Variants in PALLD observed in about 807,000 individuals in gnomAD.
PALLD encodes palladin, cytoskeletal associated protein.
A neutral mutation model predicts 123.5 loss-of-function variants in PALLD; 61 were observed. That is an observed-to-expected ratio of 0.49 (90% confidence interval 0.40 to 0.61). The LOEUF (loss-of-function observed/expected upper bound fraction) is 0.61. Ranked by LOEUF, PALLD falls within the 20% of genes least tolerant of loss-of-function variation. The pLI, the probability that PALLD is intolerant of heterozygous loss-of-function variation, is 0.00. For synonymous variants in PALLD, 465 were observed against 496.4 expected (o/e 0.94, Z 0.84); for missense variants, 1,273 against 1,377.0 (o/e 0.92, Z 1.20).
intron 2 of PALLD, among the ~76,000 whole-genome samples, chr4:168,591,506 A>G (rs772435308): frequency 4.6e-5 from 7 of 152,198 alleles, no homozygotes; most frequent in Admixed American, 1.3e-4. Context: ...TATAACTCAC[A>G]CTTAGTAAAA....
intron 2 of PALLD, among the ~76,000 whole-genome samples, chr4:168,563,982 A>G (rs1335204204): frequency 6.6e-6 from 1 of 152,210 alleles, no homozygotes; most frequent in African/African-American, 2.4e-5. Context: ...CCTCGTACCC[A>G]TTAAGTAGTC....
intron 2 of PALLD, among the ~76,000 whole-genome samples, chr4:168,556,674 A>G (rs1767339784): frequency 6.6e-6 from 1 of 152,178 alleles, no homozygotes. Context: ...GCTTGAGAGG[A>G]ACATCATTGT....
In PALLD at chr4:168,512,005, G is replaced by C. The variant is rs914028854; in HGVS notation, c.501G>C (p.Gln167His). 2 of 1,614,210 alleles carry C rather than the reference G, an allele frequency of 1.2e-6. No individual in the cohort carries two copies. Among genetic ancestry groups the C allele is most frequent in the Non-Finnish European group, 1.7e-6 (2 of 1,180,042 alleles). The change falls in exon 2 of 22, where the codon CAG becomes CAC. Residue 167 changes from glutamine to histidine, a missense_variant. This residue lies in a region of PALLD where 944 missense variants were observed against 954.5 expected (regional missense o/e 0.99). Transcript: ENST00000505667. ...PHQRKGGPQS[Q>H]LCDKAANLIE... ...AAAGAAAGGGTGGCCCCCAGAGCCA[G>C]CTGTGTGACAAGGCAGCTAATTTAA...
intron 2 of PALLD, among the ~76,000 whole-genome samples, chr4:168,521,585 C>T (rs1350572729): frequency 6.6e-6 from 1 of 151,938 alleles, no homozygotes; most frequent in East Asian, 1.9e-4. Context: ...GAATAAACTC[C>T]CCGCACTCTA....
At chr4:168,847,942 A>G (rs981546491) in intron 10 of PALLD, among the ~76,000 whole-genome samples, 19 of 152,222 alleles carry the variant, frequency 1.2e-4, no homozygotes, top group African/African-American at 4.6e-4. Context: ...TGTAGAACTA[A>G]TTCTGACACT....
intron 3 of PALLD, among the ~76,000 whole-genome samples, chr4:168,671,969 A>G (rs1780327221): frequency 6.6e-6 from 1 of 152,254 alleles, no homozygotes; most frequent in Non-Finnish European, 1.5e-5. Context: ...AAGTTTTAGA[A>G]TGATACAAAA....
chr4:168,688,409 C>T (rs1000290913), intron 6 of PALLD, among the ~76,000 whole-genome samples: 12 of 152,204 alleles, frequency 7.9e-5, no homozygotes, highest in East Asian at 3.9e-4. Context: ...GTAGCATGGA[C>T]GTACATGTGA....
intron 2 of PALLD, among the ~76,000 whole-genome samples, chr4:168,645,477 C>A (rs965852539): frequency 2.0e-5 from 3 of 152,168 alleles, no homozygotes; most frequent in Admixed American, 1.3e-4. Context: ...TGGTTAAACT[C>A]TTTGAATCCC....
At chr4:168,508,263 T>C (rs1762200347) in intron 1 of PALLD, among the ~76,000 whole-genome samples, 1 of 152,196 alleles carries the variant, frequency 6.6e-6, no homozygotes, top group African/African-American at 2.4e-5. Flanking sequence ...TTATGTATAA[T>C]TATTATTTGT....
intron 2 of PALLD, among the ~76,000 whole-genome samples, chr4:168,561,093 A>G (rs1419593977): frequency 6.6e-6 from 1 of 152,076 alleles, no homozygotes; most frequent in Non-Finnish European, 1.5e-5. Flanking sequence ...GAGCAGCCCT[A>G]TATCAACCCA....
At chr4:168,600,111 AT>A (rs1234824862) in intron 2 of PALLD, among the ~76,000 whole-genome samples, 1 of 152,120 alleles carries the variant, frequency 6.6e-6, no homozygotes, top group Non-Finnish European at 1.5e-5. Context: ...GCACACATAT[AT>A]ATACATACAT....
At chr4:168,577,620 G>C (rs1268397781) in intron 2 of PALLD, among the ~76,000 whole-genome samples, 1 of 152,080 alleles carries the variant, frequency 6.6e-6, no homozygotes, top group Non-Finnish European at 1.5e-5. Flanking sequence ...TGGGGCAGGA[G>C]TCAAGAGTAG....
chr4:168,659,026 A>G (rs1014455231), intron 2 of PALLD, among the ~76,000 whole-genome samples: 10 of 152,258 alleles, frequency 6.6e-5, no homozygotes, highest in Non-Finnish European at 1.5e-5. Flanking sequence ...GAATAAACAT[A>G]GTGTGTCATG....
At chr4:168,631,773 C>T in intron 2 of PALLD, 3 of 985,484 alleles carry the variant, frequency 3.0e-6, no homozygotes, top group Non-Finnish European at 2.4e-6. Context: ...TAATTTTCTC[C>T]GTTGCATTCT....
intron 10 of PALLD, among the ~76,000 whole-genome samples, chr4:168,722,368 G>A (rs568282453): frequency 1.3e-5 from 2 of 152,284 alleles, no homozygotes; most frequent in East Asian, 3.9e-4. Flanking sequence ...ATACTTTAAA[G>A]ACCAACATTT....
At position 168,741,266 on chromosome 4, in the gene PALLD, C is replaced by A. The variant is rs553018869; in HGVS notation, c.1964+29343C>A. Reference sequence around the variant, plus strand: ...AAACTATTCTTATTTGTCTTCATCGCTATAATATGAGGTCACTGGCTCCTG... The same window carrying A: ...AAACTATTCTTATTTGTCTTCATCGATATAATATGAGGTCACTGGCTCCTG... On this transcript the variant is annotated intron_variant, in intron 10 of 21. Coordinates refer to ENST00000505667, the MANE Select transcript of PALLD (RefSeq NM_001166108.2). Among the ~76,000 whole-genome samples, 3 of 152,252 alleles carry A rather than the reference C, an allele frequency of 2.0e-5. No individual in the cohort carries two copies. The South Asian group carries it at 6.2e-4, about 32-fold the overall frequency.
Position 168,511,639 on chromosome 4 carries a change from G to A in PALLD, c.135G>A (p.Leu45=). The A allele has an allele frequency of 6.2e-7, 1 of 1,614,168 alleles. No homozygotes were observed. The highest frequency in any genetic ancestry group is 8.5e-7 in the Non-Finnish European group (1 of 1,180,014). ...AAGAGATAAACAAGAGTCTTGACCTGGCCCGGAGAGCCATAGCCGACTCCG... is the reference window on the plus strand; with the variant it reads ...AAGAGATAAACAAGAGTCTTGACCTAGCCCGGAGAGCCATAGCCGACTCCG... The part of the protein sequence containing the change: ...SQEEINKSLD[L]ARRAIADSET... Residue 45 remains leucine (L), a synonymous_variant, in exon 2 of 22, where the codon CTG becomes CTA. Transcript: ENST00000505667.
At chr4:168,813,016 T>C (rs1439344044) in intron 10 of PALLD, among the ~76,000 whole-genome samples, 1 of 151,946 alleles carries the variant, frequency 6.6e-6, no homozygotes, top group Non-Finnish European at 1.5e-5. Flanking sequence ...CAGAGGCAAA[T>C]TGATGGTTGG....
chr4:168,555,024 T>C lies in PALLD; in HGVS notation c.908+42612T>C, dbSNP rs945512898. Among the ~76,000 whole-genome samples the C allele has an allele frequency of 2.0e-4, 30 of 152,258 alleles. 1 individual carries two copies. Among genetic ancestry groups the C allele is most frequent in the Non-Finnish European group, 1.3e-4 (9 of 68,052 alleles). On this transcript the variant is annotated intron_variant, in intron 2 of 21. Coordinates refer to ENST00000505667, the MANE Select transcript of PALLD (RefSeq NM_001166108.2). Reference sequence around the variant, plus strand: ...GTGATTTTTTGTTTCTATTTTTGTATTTTTATTTGTATACGATGAGATTTA... The same window carrying C: ...GTGATTTTTTGTTTCTATTTTTGTACTTTTATTTGTATACGATGAGATTTA...
Sources: gnomAD v4.1 joint callset for allele counts (sites outside exome capture counted in the v4.1 genomes callset) on GRCh38, gnomAD v4.1.1 for gene constraint, gnomAD v4.1.1 regional missense constraint, MANE v1.5 for transcripts, NCBI Gene and HGNC (gene_info 2026-07-23, HGNC 2026-07-21) for gene names.